Variants in RC3H2 observed in about 807,000 individuals in gnomAD.
RC3H2 encodes ring finger and CCCH-type domains 2.
A neutral mutation model predicts 133.3 loss-of-function variants in RC3H2; 31 were observed. The observed-to-expected ratio is 0.23, with a 90% confidence interval of 0.17 to 0.31. RC3H2 has a LOEUF of 0.31. Ranked by LOEUF, RC3H2 falls within the 10% of genes least tolerant of loss-of-function variation. The pLI, the probability that RC3H2 is intolerant of heterozygous loss-of-function variation, is 1.00. For missense variants in RC3H2, 1,175 were observed against 1,437.2 expected, an observed-to-expected ratio of 0.82 and a Z score of 2.95; for synonymous variants, 517 against 502.2, an observed-to-expected ratio of 1.03 and a Z score of -0.40.
intron 15 of RC3H2, among the ~76,000 whole-genome samples, chr9:122,854,874 C>T (rs1470767663): frequency 4.6e-5 from 7 of 152,068 alleles, no homozygotes; most frequent in Non-Finnish European, 1.0e-4. Context: ...GAGGCTGAGG[C>T]GGGTGGATCA....
intron 18 of RC3H2, among the ~76,000 whole-genome samples, chr9:122,852,065 C>T (rs1435292607): frequency 2.0e-5 from 3 of 151,594 alleles, no homozygotes; most frequent in African/African-American, 7.3e-5. Context: ...CGCCTCTTCC[C>T]GGCCGCCATC....
At chr9:122,855,436 C>T (rs1830206555) in intron 14 of RC3H2, 39 bp from the exon 15 acceptor site, 26 of 1,541,834 alleles carry the variant, frequency 1.7e-5, no homozygotes, top group Non-Finnish European at 2.3e-5. Flanking sequence ...GGACTGTTGG[C>T]AATTACTTCA....
chr9:122,845,100 A>G lies in RC3H2; in HGVS notation c.*4527T>C, dbSNP rs1829841526. The G allele has an allele frequency of 6.6e-6, 1 of 152,244 alleles. No individual in the cohort carries two copies. The highest frequency in any genetic ancestry group is 1.5e-5 in the Non-Finnish European group (1 of 68,040). 9.4% of individuals were successfully genotyped at this position (152,244 alleles called of 1,614,324 possible). ...CAAAGAAAATGTCTAATACAGACGT[A>G]AAAATATTCACACTAGAGCTTCACA... On this transcript the variant is annotated 3_prime_UTR_variant, in exon 21 of 21. Transcript: ENST00000357244.
At chr9:122,890,798 AGAATACT>A (rs1017042556) in intron 3 of RC3H2, among the ~76,000 whole-genome samples, 1 of 152,142 alleles carries the variant, frequency 6.6e-6, no homozygotes, top group African/African-American at 2.4e-5. Flanking sequence ...TAAGACATTT[AGAATACT>A]GCTTAATGGT....
rs2131493354 is a variant in RC3H2, at chr9:122,892,937, G to A, written c.321C>T (p.Leu107=). ...TACCTCCACTTAGTGGTTTTAAGTA[G>A]AGTGCCAAATCCTCAACGCATTTCT... ...VAKKCVEDLA[L]YLKPLSGGKG... Residue 107 remains leucine, a synonymous_variant, in exon 3 of 21, where the codon CTC becomes CTT. Coordinates refer to ENST00000357244, the MANE Select transcript of RC3H2 (RefSeq NM_001100588.3). 6.2e-7 allele frequency: 1 copy of A among 1,612,620 alleles called. No individual in the cohort carries two copies. Among genetic ancestry groups the A allele is most frequent in the South Asian group, 1.1e-5 (1 of 91,036 alleles).
At chr9:122,865,695 A>C in intron 9 of RC3H2, 38 bp from the exon 10 acceptor site, 2 of 1,564,126 alleles carry the variant, frequency 1.3e-6, no homozygotes, top group Non-Finnish European at 1.7e-6. Flanking sequence ...TGAATATTTC[A>C]CTAAATCTTA....
chr9:122,894,723 T>C (rs545606629), intron 2 of RC3H2, among the ~76,000 whole-genome samples: 11 of 152,050 alleles, frequency 7.2e-5, no homozygotes, highest in African/African-American at 2.2e-4. Flanking sequence ...CTACTAAAAA[T>C]ACAAAAATTA....
At position 122,890,293 on chromosome 9, in the gene RC3H2, A is replaced by G; in HGVS notation, c.583+19T>C. On this transcript the variant is annotated intron_variant, in intron 4 of 20. Transcript: ENST00000357244. ...GCCCCAATAGCTAATAAAAAAGGTA[A>G]GATAGTAACCTATCTTACCTGGCCC... 1.9e-6 allele frequency: 3 copies of G among 1,605,792 alleles called. No homozygotes were observed. The highest frequency in any genetic ancestry group is 2.6e-6 in the Non-Finnish European group (3 of 1,172,988).
intron 2 of RC3H2, among the ~76,000 whole-genome samples, chr9:122,896,562 T>A (rs975600008): frequency 1.3e-5 from 2 of 152,124 alleles, no homozygotes; most frequent in Non-Finnish European, 2.9e-5. Flanking sequence ...CTAAAGAAAA[T>A]CTTTCGCAGA....
At position 122,851,383 on chromosome 9, in the gene RC3H2, G is replaced by A. The variant is rs761912402; in HGVS notation, c.3171C>T (p.Ile1057=). 23 of 1,614,050 alleles carry A rather than the reference G, an allele frequency of 1.4e-5. No homozygotes were observed. Among genetic ancestry groups the A allele is most frequent in the African/African-American group, 2.7e-5 (2 of 75,004 alleles). Residue 1057 remains isoleucine, a synonymous_variant, in exon 19 of 21, where the codon ATC becomes ATT. Coordinates refer to ENST00000357244, the MANE Select transcript of RC3H2 (RefSeq NM_001100588.3). ...TATCAAGTGCTGAAAGCTCTAACTC[G>A]ATATCCCTATCAGGTTTAGTATCTG... The part of the protein sequence containing the change: ...DATDTKPDRD[I]ELELSALDTD...
At chr9:122,853,738 T>G in intron 18 of RC3H2, 3 of 1,296,598 alleles carry the variant, frequency 2.3e-6, no homozygotes, top group Non-Finnish European at 3.1e-6. Context: ...TAGAGCAAGA[T>G]TCCATCTCAA....
Position 122,865,563 on chromosome 9 carries a change from C to T in RC3H2, c.1420G>A (p.Gly474Arg), listed in dbSNP as rs755227245. ...CTTCCTATGACAGAAATGACATTTC[C>T]GGCTGTGGTTGTGACAGTGTTGTTT... ...GVNNTVTTTA[G>R]NVISVIGSTE... The change falls in exon 10 of 21, where the codon GGA becomes AGA. Residue 474 changes from glycine to arginine, a missense_variant. Transcript: ENST00000357244. The T allele has an allele frequency of 5.6e-6, 9 of 1,613,896 alleles. No homozygotes were observed. Among genetic ancestry groups the T allele is most frequent in the African/African-American group, 4.0e-5 (3 of 74,910 alleles).
intron 5 of RC3H2, 102 bp from the exon 6 acceptor site, chr9:122,880,896 CAGA>C: frequency 4.0e-6 from 3 of 750,692 alleles, no homozygotes; most frequent in Non-Finnish European, 2.3e-6. Context: ...ACTTACATAT[CAGA>C]CACCACAGAA....
chr9:122,858,614 T>C, intron 12 of RC3H2, 55 bp downstream of exon 12: 3 of 1,487,468 alleles, frequency 2.0e-6, no homozygotes, highest in Non-Finnish European at 2.7e-6. Flanking sequence ...CCTGGGTGGT[T>C]TGACTCCAGA....
At chr9:122,875,086 G>A in intron 9 of RC3H2, 4 of 1,321,318 alleles carry the variant, frequency 3.0e-6, no homozygotes, top group South Asian at 4.3e-5. Flanking sequence ...GTATTTCCTG[G>A]AGTCTCCCAA....
At chr9:122,892,847 C>A in intron 3 of RC3H2, 62 bp downstream of exon 3, 1 of 1,291,974 alleles carries the variant, frequency 7.7e-7, no homozygotes, top group South Asian at 1.2e-5. Context: ...CACATCAAGT[C>A]ATTCAAAGTA....
chr9:122,869,475 A>G (rs1413558816), intron 9 of RC3H2, among the ~76,000 whole-genome samples: 1 of 152,050 alleles, frequency 6.6e-6, no homozygotes, highest in Non-Finnish European at 1.5e-5. Flanking sequence ...GGTGATGCTC[A>G]ATAAAAGACA....
chr9:122,880,162 T>A (rs768375592), intron 6 of RC3H2, 37 bp from the exon 7 acceptor site: 3 of 1,606,968 alleles, frequency 1.9e-6, no homozygotes, highest in Non-Finnish European at 2.6e-6. Context: ...TTACTTTGGT[T>A]CTTATGACAC....
Position 122,858,809 on chromosome 9 carries a change from T to G in RC3H2, c.2143A>C (p.Asn715His). The G allele has an allele frequency of 6.2e-7, 1 of 1,614,298 alleles. No individual in the cohort carries two copies. ...ATCACATCCATTGGAGGTAAAGAATTGCTTCTAATAATGTCATCTCGTTGG... is the reference window on the plus strand; with the variant it reads ...ATCACATCCATTGGAGGTAAAGAATGGCTTCTAATAATGTCATCTCGTTGG... ...MYQRDDIIRS[N>H]SLPPMDVMHS... Residue 715 changes from asparagine (N) to histidine (H), a missense_variant, in exon 12 of 21, where the codon AAT becomes CAT. Coordinates refer to ENST00000357244, the MANE Select transcript of RC3H2 (RefSeq NM_001100588.3).
Sources: allele counts gnomAD v4.1 joint callset (sites outside exome capture counted in the v4.1 genomes callset), GRCh38; gene constraint gnomAD v4.1.1; transcripts MANE v1.5; gene names NCBI Gene and HGNC (gene_info 2026-07-23, HGNC 2026-07-21).